Variants in SNTG1 observed in about 807,000 individuals in gnomAD.
SNTG1 encodes the protein syntrophin gamma 1.
SNTG1 carries 39 observed loss-of-function variants against 74.7 expected under a neutral mutation model. The ratio of observed to expected loss-of-function variants is 0.52; its 90% CI spans 0.40 to 0.68. The LOEUF (loss-of-function observed/expected upper bound fraction) is 0.68. Among genes scored for constraint, SNTG1 ranks in the 30% least tolerant of loss-of-function variants. SNTG1 has a pLI of 0.00. For synonymous variants in SNTG1, 254 were observed against 217.1 expected, an observed-to-expected ratio of 1.17 and a Z score of -1.49; for missense variants, 685 against 609.5, an observed-to-expected ratio of 1.12 and a Z score of -1.30.
At chr8:50,122,360 G>A (rs1410171542) in intron 1 of SNTG1, among the ~76,000 whole-genome samples, 2 of 141,700 alleles carry the variant, frequency 1.4e-5, no homozygotes, top group African/African-American at 5.1e-5. Context: ...GGGAGAAGTA[G>A]TGAAAGTGAG....
intron 15 of SNTG1, among the ~76,000 whole-genome samples, chr8:50,668,275 A>G (rs560948787): frequency 2.0e-4 from 30 of 152,064 alleles, no homozygotes; most frequent in Non-Finnish European, 1.5e-4. Context: ...TATATAAAGT[A>G]CTTATTTCCC....
rs147876334 is a variant in SNTG1, at chr8:50,635,345, G to A, written c.850-21564G>A. Among the ~76,000 whole-genome samples, 1,063 of 152,206 alleles carry A rather than the reference G, an allele frequency of 7.0e-3. 6 individuals carry two copies. The highest frequency in any genetic ancestry group is 0.01 in the Middle Eastern group (3 of 294). On this transcript the variant is annotated intron_variant, in intron 13 of 18. Transcript: ENST00000642720. ...GCACTCTACAATCAGTAGGTGGTGA[G>A]GTCAGCCAGCCTTGTGTCTTTCCCT... is the stretch of plus-strand genomic sequence containing the variant.
intron 8 of SNTG1, among the ~76,000 whole-genome samples, chr8:50,499,796 T>G (rs2093935711): frequency 6.6e-6 from 1 of 152,036 alleles, no homozygotes; most frequent in Non-Finnish European, 1.5e-5. Flanking sequence ...TAGGTTTTTA[T>G]GTGGTTAATT....
intron 1 of SNTG1, among the ~76,000 whole-genome samples, chr8:50,102,310 T>A (rs1299446274): frequency 6.6e-6 from 1 of 151,994 alleles, no homozygotes; most frequent in Admixed American, 6.6e-5. Context: ...TGATGGCCAG[T>A]GATGATGAGC....
At chr8:50,068,925 G>C (rs1481635840) in intron 1 of SNTG1, among the ~76,000 whole-genome samples, 1 of 152,052 alleles carries the variant, frequency 6.6e-6, no homozygotes, top group East Asian at 1.9e-4. Context: ...TTAAATTGCA[G>C]GTTTTATAAA....
chr8:50,492,069 C>T (rs1353893406), intron 8 of SNTG1, among the ~76,000 whole-genome samples: 3 of 152,122 alleles, frequency 2.0e-5, no homozygotes, highest in Non-Finnish European at 2.9e-5. Flanking sequence ...ATGAACTCAT[C>T]CTTTTTTATG....
chr8:49,971,719 T>C (rs1184914182), intron 1 of SNTG1, among the ~76,000 whole-genome samples: 4 of 151,980 alleles, frequency 2.6e-5, no homozygotes, highest in Non-Finnish European at 4.4e-5. Context: ...TATACACCAA[T>C]AACAGACAAA....
chr8:50,529,148 T>C (rs140029485), intron 9 of SNTG1, among the ~76,000 whole-genome samples: 1 of 152,088 alleles, frequency 6.6e-6, no homozygotes, highest in Non-Finnish European at 1.5e-5. Flanking sequence ...AGTATATACA[T>C]TTGCTTTAAA....
At chr8:49,932,525 C>G (rs959682130) in intron 1 of SNTG1, among the ~76,000 whole-genome samples, 1 of 151,872 alleles carries the variant, frequency 6.6e-6, no homozygotes, top group Middle Eastern at 3.4e-3. Context: ...CTATCCATCT[C>G]AAACTAGTCA....
chr8:50,057,935 T>C (rs1269398083), intron 1 of SNTG1, among the ~76,000 whole-genome samples: 1 of 152,186 alleles, frequency 6.6e-6, no homozygotes, highest in African/African-American at 2.4e-5. Context: ...CTATGTGCAC[T>C]TTTTAATTTA....
Position 50,029,748 on chromosome 8 carries a change from G to C in SNTG1, c.-103+117517G>C, listed in dbSNP as rs182671703. On this transcript the variant is annotated intron_variant, in intron 1 of 18. Transcript: ENST00000642720. The stretch of plus-strand genomic sequence containing the variant: ...CCACATTTCCTTTATTCATTAGTCT[G>C]TTGATGGAAACTTAGGTTGATTCCA... 1.4e-4 allele frequency among the ~76,000 whole-genome samples: 21 copies of C among 152,172 alleles called. No homozygotes were observed. The East Asian group carries it at 3.3e-3, about 24-fold the overall frequency.
intron 12 of SNTG1, chr8:50,575,650 C>T (rs2094572829): frequency 6.6e-6 from 1 of 152,220 alleles, no homozygotes; most frequent in Non-Finnish European, 1.5e-5. Flanking sequence ...TCGTTGATTG[C>T]TTGTGTGTCC....
At position 50,473,204 on chromosome 8, in the gene SNTG1, A is replaced by G. The variant is rs557167818; in HGVS notation, c.363+22475A>G. Among the ~76,000 whole-genome samples the G allele has an allele frequency of 2.0e-5, 3 of 152,128 alleles. No homozygotes were observed. In the East Asian group the frequency reaches 5.8e-4, roughly 30 times the overall value. On this transcript the variant is annotated intron_variant, in intron 8 of 18. Transcript: ENST00000642720. ...ATGATAGTGAGTGAGTTCTCAGGAG[A>G]TCTAATGATTTTATAAAGGGCTCTT...
chr8:50,149,492 C>T (rs899727218), intron 1 of SNTG1, among the ~76,000 whole-genome samples: 5 of 152,110 alleles, frequency 3.3e-5, no homozygotes, highest in African/African-American at 1.2e-4. Context: ...ATAGTATTGG[C>T]TAGGTTTTCT....
intron 13 of SNTG1, among the ~76,000 whole-genome samples, chr8:50,608,097 A>C (rs2094825695): frequency 6.6e-6 from 1 of 151,614 alleles, no homozygotes; most frequent in African/African-American, 2.4e-5. Context: ...CAAATCTTTC[A>C]ATTTTACTGG....
At chr8:50,389,264 G>A (rs1355607130) in intron 2 of SNTG1, among the ~76,000 whole-genome samples, 1 of 152,140 alleles carries the variant, frequency 6.6e-6, no homozygotes, top group East Asian at 1.9e-4. Flanking sequence ...AGGCCTGTGG[G>A]TTAGCATTTC....
At chr8:50,460,331 A>G (rs2093548989) in intron 8 of SNTG1, among the ~76,000 whole-genome samples, 1 of 152,008 alleles carries the variant, frequency 6.6e-6, no homozygotes. Context: ...TAACAGGGTC[A>G]TTTGTTTTTT....
At chr8:50,642,647 A>G (rs761951894) in intron 13 of SNTG1, among the ~76,000 whole-genome samples, 2 of 152,090 alleles carry the variant, frequency 1.3e-5, no homozygotes, top group Non-Finnish European at 2.9e-5. Flanking sequence ...CCATACAGGT[A>G]ACTCACTTCC....
chr8:50,068,387 G>C (rs1821073921), intron 1 of SNTG1, among the ~76,000 whole-genome samples: 1 of 152,144 alleles, frequency 6.6e-6, no homozygotes, highest in South Asian at 2.1e-4. Flanking sequence ...AACCACAGTA[G>C]TCACTTTCCT....
Sources: gnomAD v4.1 joint callset for allele counts (sites outside exome capture counted in the v4.1 genomes callset) on GRCh38, gnomAD v4.1.1 for gene constraint, MANE v1.5 for transcripts, NCBI Gene and HGNC (gene_info 2026-07-23, HGNC 2026-07-21) for gene names.